Variants in LINGO2 observed in about 807,000 individuals in gnomAD.
LINGO2 encodes the protein leucine rich repeat and Ig domain containing 2.
A neutral mutation model predicts 30.6 loss-of-function variants in LINGO2; 14 were observed. That is an observed-to-expected ratio of 0.46 (90% CI 0.30 to 0.72). The LOEUF is 0.72. LINGO2 is among the 30% of genes least tolerant of loss of function. LINGO2 has a pLI of 0.07. For synonymous variants in LINGO2, 317 were observed against 288.5 expected, an observed-to-expected ratio of 1.10 and a Z score of -1.00; for missense variants, 729 against 751.7, an observed-to-expected ratio of 0.97 and a Z score of 0.35.
the LINGO2 span, chr9:27,938,570 G>C: frequency 3.3e-5 from 5 of 152,280 alleles, no homozygotes; most frequent in East Asian, 9.7e-4. Context: ...GTACTTAACT[G>C]TTCTGACTCC....
intron 1 of LINGO2, among the ~76,000 whole-genome samples, chr9:28,669,119 T>C (rs1273071530): frequency 1.3e-5 from 2 of 152,082 alleles, no homozygotes; most frequent in Admixed American, 6.5e-5. Context: ...ATATGAAGAA[T>C]ACAAGTTTTC....
At chr9:28,584,019 C>A (rs1824400664) in intron 1 of LINGO2, among the ~76,000 whole-genome samples, 1 of 151,944 alleles carries the variant, frequency 6.6e-6, no homozygotes, top group Admixed American at 6.6e-5. Context: ...TGCCTTCCAC[C>A]AGGGGATGCT....
chr9:28,609,314 A>G (rs1485401386), intron 1 of LINGO2, among the ~76,000 whole-genome samples: 1 of 151,972 alleles, frequency 6.6e-6, no homozygotes, highest in African/African-American at 2.4e-5. Context: ...GGGTGAAAAC[A>G]CACTTCAAAC....
At chr9:28,048,531 A>G (rs1824525748) in intron 4 of LINGO2, among the ~76,000 whole-genome samples, 1 of 150,896 alleles carries the variant, frequency 6.6e-6, no homozygotes, top group South Asian at 2.1e-4. Flanking sequence ...AAAGTAAGGA[A>G]TCCATTTATT....
intron 1 of LINGO2, among the ~76,000 whole-genome samples, chr9:28,536,900 T>A (rs1467577425): frequency 6.6e-6 from 1 of 152,116 alleles, no homozygotes; most frequent in East Asian, 1.9e-4. Flanking sequence ...ACTGAATTCT[T>A]AACCCTAAGC....
chr9:29,057,013 A>C, the LINGO2 span, among the ~76,000 whole-genome samples: 1 of 152,174 alleles, frequency 6.6e-6, no homozygotes, highest in Non-Finnish European at 1.5e-5. Flanking sequence ...AAGTCGGGTA[A>C]TGTGATGCCT....
chr9:27,947,559 C>T (rs79816448), downstream of LINGO2, among the ~76,000 whole-genome samples: 1 of 152,100 alleles, frequency 6.6e-6, no homozygotes, highest in Non-Finnish European at 1.5e-5. Context: ...AAACCAAAAT[C>T]TAATTGGTAA....
intron 3 of LINGO2, among the ~76,000 whole-genome samples, chr9:28,334,844 G>C (rs1375816684): frequency 6.6e-6 from 1 of 152,136 alleles, no homozygotes; most frequent in Non-Finnish European, 1.5e-5. Flanking sequence ...GCTATGAAGA[G>C]AGGATTCCCG....
intron 4 of LINGO2, among the ~76,000 whole-genome samples, chr9:28,144,334 A>C (rs1827754774): frequency 6.6e-6 from 1 of 152,206 alleles, no homozygotes; most frequent in Non-Finnish European, 1.5e-5. Flanking sequence ...TACAAACTAC[A>C]ATCCCTTAGG....
the LINGO2 span, among the ~76,000 whole-genome samples, chr9:29,059,442 A>C: frequency 6.6e-6 from 1 of 151,232 alleles, no homozygotes; most frequent in Non-Finnish European, 1.5e-5. Flanking sequence ...TAAATAAATA[A>C]AAAAGAACTA....
At chr9:28,535,084 T>C (rs1363003264) in intron 1 of LINGO2, among the ~76,000 whole-genome samples, 1 of 152,152 alleles carries the variant, frequency 6.6e-6, no homozygotes, top group Non-Finnish European at 1.5e-5. Context: ...GGGAAAGTAT[T>C]AGGGATGGGT....
chr9:28,046,567 A>C (rs1824430632), intron 4 of LINGO2, among the ~76,000 whole-genome samples: 1 of 152,172 alleles, frequency 6.6e-6, no homozygotes, highest in South Asian at 2.1e-4. Context: ...TGAAACACTA[A>C]ATTGCAAAGT....
At chr9:28,315,549 T>A (rs1244293410) in intron 3 of LINGO2, among the ~76,000 whole-genome samples, 1 of 152,232 alleles carries the variant, frequency 6.6e-6, no homozygotes, top group Non-Finnish European at 1.5e-5. Context: ...ACTGATGGAA[T>A]GCAAATTATT....
At chr9:27,961,067 T>C (rs1258322873) in intron 5 of LINGO2, among the ~76,000 whole-genome samples, 1 of 152,168 alleles carries the variant, frequency 6.6e-6, no homozygotes, top group African/African-American at 2.4e-5. Context: ...CATACAACCA[T>C]TCTGTTTTCC....
chr9:28,320,816 C>T (rs1398719724), intron 3 of LINGO2, among the ~76,000 whole-genome samples: 1 of 152,110 alleles, frequency 6.6e-6, no homozygotes. Flanking sequence ...ACATCTGTTC[C>T]CCTTCTGTTT....
At chr9:29,067,674 A>T in the LINGO2 span, among the ~76,000 whole-genome samples, 2 of 151,288 alleles carry the variant, frequency 1.3e-5, no homozygotes, top group Non-Finnish European at 3.0e-5. Context: ...GAACAATCAT[A>T]GTCAAATAAT....
chr9:28,425,190 C>A (rs1823353567), intron 2 of LINGO2, among the ~76,000 whole-genome samples: 1 of 149,058 alleles, frequency 6.7e-6, no homozygotes, highest in Non-Finnish European at 1.5e-5. Flanking sequence ...AAGTAAAACT[C>A]TTAATAGAGC....
intron 3 of LINGO2, among the ~76,000 whole-genome samples, chr9:28,316,050 T>A (rs1192748273): frequency 6.8e-6 from 1 of 147,896 alleles, no homozygotes; most frequent in East Asian, 2.7e-4. Flanking sequence ...CAAATACAGA[T>A]AATAATAAAA....
At chr9:28,809,217 A>T in the LINGO2 span, among the ~76,000 whole-genome samples, 1 of 152,168 alleles carries the variant, frequency 6.6e-6, no homozygotes, top group Admixed American at 6.5e-5. Flanking sequence ...TACATGTACC[A>T]AAGTTCTTAA....
Sources: allele counts gnomAD v4.1 joint callset (sites outside exome capture counted in the v4.1 genomes callset), GRCh38; gene constraint gnomAD v4.1.1; transcripts MANE v1.5; gene names NCBI Gene and HGNC (gene_info 2026-07-23, HGNC 2026-07-21).